Variants in CDK5RAP2 observed in about 807,000 individuals in gnomAD.
CDK5RAP2 encodes CDK5 regulatory subunit-associated protein 2.
CDK5RAP2 carries 147 observed loss-of-function variants against 232.9 expected under a neutral mutation model. The observed-to-expected ratio is 0.63, with a 90% CI of 0.55 to 0.72. The LOEUF (loss-of-function observed/expected upper bound fraction) is 0.72, where lower values mean the gene tolerates loss of function less well. CDK5RAP2 is among the 30% of genes least tolerant of loss of function. The probability of loss-of-function intolerance (pLI) is 0.00; values close to 1 mark genes in which losing one functional copy is unlikely to be tolerated. For missense variants in CDK5RAP2, 2,195 were observed against 2,231.5 expected (o/e 0.98, Z 0.33); for synonymous variants, 833 against 833.7 (o/e 1.00, Z 0.01).
intron 5 of CDK5RAP2, among the ~76,000 whole-genome samples, chr9:120,543,798 C>T (rs1217936261): frequency 6.6e-6 from 1 of 152,194 alleles, no homozygotes; most frequent in Non-Finnish European, 1.5e-5. Context: ...GCGGAGGTTG[C>T]AGTGAGCCGA....
intron 11 of CDK5RAP2, among the ~76,000 whole-genome samples, chr9:120,521,223 A>G (rs1260561784): frequency 1.3e-5 from 2 of 152,230 alleles, no homozygotes; most frequent in Admixed American, 1.3e-4. Flanking sequence ...AGGGTGAGCT[A>G]ACAACACTTA....
At chr9:120,442,464 C>T (rs2035955737) in intron 23 of CDK5RAP2, among the ~76,000 whole-genome samples, 1 of 152,184 alleles carries the variant, frequency 6.6e-6, no homozygotes, top group East Asian at 1.9e-4. Context: ...CCAGCCTCAG[C>T]TGCGCAACAA....
At chr9:120,474,024 G>T (rs570763611) in intron 15 of CDK5RAP2, among the ~76,000 whole-genome samples, 4 of 152,208 alleles carry the variant, frequency 2.6e-5, no homozygotes, top group African/African-American at 9.6e-5. Context: ...GCAGAAACAA[G>T]GAGTTAGAGA....
intron 20 of CDK5RAP2, among the ~76,000 whole-genome samples, chr9:120,454,403 A>G (rs1326675534): frequency 6.6e-6 from 1 of 152,252 alleles, no homozygotes; most frequent in African/African-American, 2.4e-5. Flanking sequence ...ACACAGGCAG[A>G]GTAGAAAGCG....
chr9:120,528,624 C>T (rs528552010), intron 9 of CDK5RAP2, 120 bp downstream of exon 9: 46 of 729,042 alleles, frequency 6.3e-5, no homozygotes, highest in South Asian at 5.6e-4. Flanking sequence ...GACTGGCATA[C>T]AGTAGCATTC....
At chr9:120,414,991 G>C (rs775780949) in intron 28 of CDK5RAP2, 49 bp downstream of exon 28, 12 of 1,607,394 alleles carry the variant, frequency 7.5e-6, no homozygotes, top group Non-Finnish European at 1.0e-5. Flanking sequence ...ATGCGTCACA[G>C]TGAAGCACTC....
intron 14 of CDK5RAP2, among the ~76,000 whole-genome samples, chr9:120,485,850 C>T (rs1267851554): frequency 1.3e-5 from 2 of 152,126 alleles, no homozygotes; most frequent in African/African-American, 2.4e-5. Flanking sequence ...ATGACAGAGT[C>T]GACAGAGAGA....
At chr9:120,564,811 C>T (rs2042590232) in intron 3 of CDK5RAP2, among the ~76,000 whole-genome samples, 2 of 152,106 alleles carry the variant, frequency 1.3e-5, no homozygotes, top group Admixed American at 1.3e-4. Context: ...CTGGGTCTTC[C>T]CTACTCACCC....
chr9:120,491,579 A>T lies in CDK5RAP2; in HGVS notation c.1312-102T>A, dbSNP rs550570584. Reference sequence around the variant, plus strand: ...CTGCTACAAGAGAGCAAGATAATAGATGTATTTAAGGGAGTATACAAGTGT... The same window carrying T: ...CTGCTACAAGAGAGCAAGATAATAGTTGTATTTAAGGGAGTATACAAGTGT... On this transcript the variant is annotated intron_variant, in intron 12 of 37. Coordinates refer to ENST00000349780, the MANE Select transcript of CDK5RAP2 (RefSeq NM_018249.6). 94 of 791,616 alleles carry T rather than the reference A, an allele frequency of 1.2e-4. No homozygotes were observed. The African/African-American group carries it at 1.5e-3, about 13-fold the overall frequency. 49.0% of individuals were successfully genotyped at this position (791,616 alleles called of 1,614,324 possible).
intron 28 of CDK5RAP2, among the ~76,000 whole-genome samples, 200 bp from the exon 29 acceptor site, chr9:120,411,674 T>C (rs1353511987): frequency 6.6e-6 from 1 of 152,092 alleles, no homozygotes; most frequent in Non-Finnish European, 1.5e-5. Context: ...CTCCCCCACA[T>C]CTTACCTAAG....
intron 31 of CDK5RAP2, chr9:120,407,735 C>T (rs1273046713): frequency 1.2e-5 from 2 of 162,822 alleles, no homozygotes; most frequent in Admixed American, 5.8e-5. Flanking sequence ...AAACACCTCA[C>T]CACACCTCAA....
chr9:120,443,987 A>T (rs1209815933), intron 22 of CDK5RAP2, among the ~76,000 whole-genome samples: 1 of 152,240 alleles, frequency 6.6e-6, no homozygotes, highest in Non-Finnish European at 1.5e-5. Flanking sequence ...GAGAAAATGA[A>T]TTCTATCAAT....
At chr9:120,505,657 TC>T (rs948686451) in intron 12 of CDK5RAP2, among the ~76,000 whole-genome samples, 14 of 152,196 alleles carry the variant, frequency 9.2e-5, no homozygotes, top group African/African-American at 2.9e-4. Context: ...AAAGTGCTAC[TC>T]CAGTGAACAC....
At position 120,403,049 on chromosome 9, in the gene CDK5RAP2, A is replaced by G; in HGVS notation, c.5064T>C (p.Ser1688=). ...AGGAGAGGGAGTCCGTGTCATTCCCAGAGAGTGGAGGAGTCTCTGAAACTG... is the reference window on the plus strand; with the variant it reads ...AGGAGAGGGAGTCCGTGTCATTCCCGGAGAGTGGAGGAGTCTCTGAAACTG... ...PKSVSETPPL[S]GNDTDSLSCD... Residue 1688 remains serine (S), a synonymous_variant, in exon 34 of 38, where the codon TCT becomes TCC. Transcript: ENST00000349780. The surrounding 1 kb of genome is among the most constrained non-coding windows in gnomAD (Gnocchi z 4.2). 6.2e-7 allele frequency: 1 copy of G among 1,614,160 alleles called. No homozygotes were observed. Among genetic ancestry groups the G allele is most frequent in the Non-Finnish European group, 8.5e-7 (1 of 1,179,998 alleles).
intron 25 of CDK5RAP2, among the ~76,000 whole-genome samples, chr9:120,426,383 C>T (rs578030694): frequency 1.3e-5 from 2 of 152,304 alleles, no homozygotes; most frequent in South Asian, 2.1e-4. Flanking sequence ...GAGGTATACA[C>T]TGGTCTGGTC....
chr9:120,397,622 A>G (rs1168180480), intron 35 of CDK5RAP2, among the ~76,000 whole-genome samples: 2 of 151,784 alleles, frequency 1.3e-5, no homozygotes, highest in Non-Finnish European at 2.9e-5. Context: ...TTAAAAAAAA[A>G]GGCAGTAATT....
rs116392260 is a variant in CDK5RAP2 at position 120,572,759 on chromosome 9, C to T, written c.60-718G>A. On this transcript the variant is annotated intron_variant, in intron 1 of 37. Coordinates refer to ENST00000349780, the MANE Select transcript of CDK5RAP2 (RefSeq NM_018249.6). ...AGCTGTAAAATGAGTACAGCAGCTA[C>T]CTCACAGAGTAACTGGCAATTAAAC... is the stretch of plus-strand genomic sequence containing the variant. 6.0e-3 allele frequency among the ~76,000 whole-genome samples: 912 copies of T among 152,342 alleles called. 7 individuals carry two copies. The highest frequency in any genetic ancestry group is 0.021 in the African/African-American group (863 of 41,562).
At chr9:120,421,103 G>A (rs2034540611) in intron 26 of CDK5RAP2, among the ~76,000 whole-genome samples, 1 of 152,166 alleles carries the variant, frequency 6.6e-6, no homozygotes, top group Non-Finnish European at 1.5e-5. Context: ...CTATAGAATA[G>A]TGTTTGGACT....
At chr9:120,458,009 T>C (rs1191447372) in intron 20 of CDK5RAP2, among the ~76,000 whole-genome samples, 2 of 152,214 alleles carry the variant, frequency 1.3e-5, no homozygotes, top group Non-Finnish European at 2.9e-5. Flanking sequence ...AAACAACCTG[T>C]AGTATCTCCT....
Sources: gnomAD v4.1 joint callset for allele counts (sites outside exome capture counted in the v4.1 genomes callset) on GRCh38, gnomAD v4.1.1 for gene constraint, Gnocchi (gnomAD v3.1) non-coding constraint, MANE v1.5 for transcripts, NCBI Gene and HGNC (gene_info 2026-07-23, HGNC 2026-07-21) for gene names.